NEGR1: variants seen among roughly 807,000 people sequenced by gnomAD.
NEGR1 encodes the protein IgLON family member 4.
Under a neutral mutation model 40.9 loss-of-function variants are expected in NEGR1, and 10 were observed. The ratio of observed to expected loss-of-function variants is 0.24; its 90% confidence interval spans 0.15 to 0.42. The LOEUF is 0.42. Ranked by LOEUF, NEGR1 falls within the 10% of genes least tolerant of loss-of-function variation. The probability of loss-of-function intolerance (pLI) is 1.00; values close to 1 mark genes in which losing one functional copy is unlikely to be tolerated. For missense variants in NEGR1, 352 were observed against 438.9 expected (o/e 0.80, Z 1.77); for synonymous variants, 185 against 166.8 (o/e 1.11, Z -0.84).
chr1:71,635,530 G>C (rs1352656694), intron 4 of NEGR1, among the ~76,000 whole-genome samples: 1 of 152,018 alleles, frequency 6.6e-6, no homozygotes, highest in Non-Finnish European at 1.5e-5. Context: ...GAGAGTTGAG[G>C]ATAGATTGGA....
intron 6 of NEGR1, among the ~76,000 whole-genome samples, chr1:71,568,658 A>G (rs1480974026): frequency 2.0e-5 from 3 of 152,142 alleles, no homozygotes; most frequent in Non-Finnish European, 4.4e-5. Flanking sequence ...AAATACACAT[A>G]TATACATCTA....
intron 1 of NEGR1, among the ~76,000 whole-genome samples, chr1:72,187,729 C>A (rs1206055163): frequency 6.6e-6 from 1 of 151,420 alleles, no homozygotes; most frequent in Non-Finnish European, 1.5e-5. Context: ...TCCTGGACCA[C>A]AGGCCAAGAA....
At chr1:72,030,950 T>A (rs1444917652) in intron 1 of NEGR1, among the ~76,000 whole-genome samples, 1 of 152,222 alleles carries the variant, frequency 6.6e-6, no homozygotes, top group Non-Finnish European at 1.5e-5. Flanking sequence ...TCATGTTTTG[T>A]GCATAGTTTC....
intron 1 of NEGR1, among the ~76,000 whole-genome samples, chr1:72,159,795 C>G (rs1651488752): frequency 6.6e-6 from 1 of 152,028 alleles, no homozygotes; most frequent in African/African-American, 2.4e-5. Flanking sequence ...GATAAATGCA[C>G]AAATCTTATG....
At chr1:72,046,201 A>G (rs1647000603) in intron 1 of NEGR1, among the ~76,000 whole-genome samples, 1 of 151,588 alleles carries the variant, frequency 6.6e-6, no homozygotes, top group African/African-American at 2.4e-5. Context: ...GCAAAAATGC[A>G]AAAAAAGGTA....
chr1:72,153,392 T>C (rs537358490), intron 1 of NEGR1, among the ~76,000 whole-genome samples: 1 of 152,068 alleles, frequency 6.6e-6, no homozygotes, highest in South Asian at 2.1e-4. Context: ...AGATATATTG[T>C]TTCCAAACTG....
Position 72,175,143 on chromosome 1 carries a change from A to C in NEGR1, c.176+107176T>G, listed in dbSNP as rs796959862. 1.1e-3 allele frequency among the ~76,000 whole-genome samples: 161 copies of C among 152,030 alleles called. 1 individual carries two copies. The highest frequency in any genetic ancestry group is 3.6e-3 in the African/African-American group (150 of 41,512). ...TTCCCCCGATATTTTCAATCAACCA[A>C]AACTGTGTAGATTAGACACAGATAT... On this transcript the variant is annotated intron_variant, in intron 1 of 6. Coordinates refer to ENST00000357731, the MANE Select transcript of NEGR1 (RefSeq NM_173808.3).
chr1:71,737,179 G>A (rs958020968), intron 3 of NEGR1, among the ~76,000 whole-genome samples: 6 of 152,102 alleles, frequency 3.9e-5, no homozygotes, highest in Non-Finnish European at 7.4e-5. Flanking sequence ...TTCAACTTTT[G>A]AAAAGGGAAA....
intron 1 of NEGR1, among the ~76,000 whole-genome samples, chr1:72,127,247 G>C (rs1650056155): frequency 6.6e-6 from 1 of 151,966 alleles, no homozygotes; most frequent in Non-Finnish European, 1.5e-5. Flanking sequence ...GGAAGATCAC[G>C]ACGTCAGGAG....
chr1:72,186,391 A>T (rs547715601), intron 1 of NEGR1, among the ~76,000 whole-genome samples: 6 of 151,674 alleles, frequency 4.0e-5, no homozygotes, highest in African/African-American at 1.4e-4. Context: ...TAGAGAGTTT[A>T]TATCTTTAAT....
intron 1 of NEGR1, among the ~76,000 whole-genome samples, chr1:71,969,470 T>C (rs1570564655): frequency 6.6e-6 from 1 of 152,320 alleles, no homozygotes; most frequent in Non-Finnish European, 1.5e-5. Context: ...TAAATTTAGG[T>C]TCTGTGCAAC....
At position 71,588,398 on chromosome 1, in the gene NEGR1, A is replaced by G. The variant is rs192801090; in HGVS notation, c.940+4419T>C. 2.7e-3 allele frequency among the ~76,000 whole-genome samples: 409 copies of G among 152,236 alleles called. 4 individuals are homozygous for G. The highest frequency in any genetic ancestry group is 4.7e-3 in the Non-Finnish European group (321 of 68,004). On this transcript the variant is annotated intron_variant, in intron 6 of 6. Transcript: ENST00000357731. ...AGGGCTAATATACAGTGATCTGCAC[A>G]ATATTCTCTCTGCCTTTCCTTCTCT...
chr1:71,474,293 G>T (rs1378371617), intron 6 of NEGR1, among the ~76,000 whole-genome samples: 1 of 151,300 alleles, frequency 6.6e-6, no homozygotes, highest in African/African-American at 2.4e-5. Context: ...GTGTGTGTGT[G>T]TGTGTGTGTG....
intron 1 of NEGR1, among the ~76,000 whole-genome samples, chr1:71,991,365 C>G (rs749993031): frequency 3.5e-4 from 53 of 152,072 alleles, no homozygotes; most frequent in Non-Finnish European, 6.3e-4. Flanking sequence ...TTACTCTCTC[C>G]CCTTTCAACC....
At chr1:71,766,788 A>G (rs1321812242) in intron 3 of NEGR1, among the ~76,000 whole-genome samples, 2 of 152,130 alleles carry the variant, frequency 1.3e-5, no homozygotes, top group Non-Finnish European at 2.9e-5. Flanking sequence ...GAGTTTTCAT[A>G]AACAGCTGAG....
In NEGR1 at chr1:71,401,259, A is replaced by G. The variant is rs375046694; in HGVS notation, c.*6187T>C. ...ATAAATTCTGAGGGGTAAAGATTCA[A>G]TTGAATTCTCCTCCTCACTCTGGAA... On this transcript the variant is annotated 3_prime_UTR_variant, in exon 7 of 7. Coordinates refer to ENST00000357731, the MANE Select transcript of NEGR1 (RefSeq NM_173808.3). 5 of 152,268 alleles carry G rather than the reference A, an allele frequency of 3.3e-5. No individual in the cohort carries two copies. The highest frequency in any genetic ancestry group is 4.2e-4 in the South Asian group (2 of 4,818). 9.4% of individuals were successfully genotyped at this position (152,268 alleles called of 1,614,324 possible).
At chr1:72,213,737 CA>C (rs1653695437) in intron 1 of NEGR1, among the ~76,000 whole-genome samples, 2 of 151,840 alleles carry the variant, frequency 1.3e-5, no homozygotes, top group South Asian at 2.1e-4. Flanking sequence ...GACTACCAAC[CA>C]AAAAAAGCCC....
chr1:72,185,292 T>C (rs1198280669), intron 1 of NEGR1, among the ~76,000 whole-genome samples: 1 of 151,956 alleles, frequency 6.6e-6, no homozygotes, highest in African/African-American at 2.4e-5. Context: ...AATTATGCAG[T>C]CTTTCTGTTA....
intron 6 of NEGR1, among the ~76,000 whole-genome samples, chr1:71,567,399 C>A (rs1648653773): frequency 6.6e-6 from 1 of 152,094 alleles, no homozygotes. Context: ...TAGCAAAAGA[C>A]AGAAATGGTA....
Sources: gnomAD v4.1 joint callset for allele counts (sites outside exome capture counted in the v4.1 genomes callset) on GRCh38, gnomAD v4.1.1 for gene constraint, MANE v1.5 for transcripts, NCBI Gene and HGNC (gene_info 2026-07-23, HGNC 2026-07-21) for gene names.